Variants in DLAT observed in about 807,000 individuals in gnomAD.
DLAT encodes dihydrolipoamide S-acetyltransferase.
Under a neutral mutation model 68.0 loss-of-function variants are expected in DLAT, and 43 were observed. The ratio of observed to expected loss-of-function variants is 0.63; its 90% CI spans 0.50 to 0.81. The LOEUF is 0.81. Among genes scored for constraint, DLAT ranks in the 40% least tolerant of loss-of-function variants. The pLI is 0.00. For missense variants in DLAT, 745 were observed against 815.4 expected (o/e 0.91, Z 1.05); for synonymous variants, 265 against 288.6 (o/e 0.92, Z 0.83).
rs1555180637 is a variant in DLAT, at chr11:112,037,455, C to T, written c.970C>T (p.Pro324Ser). The part of the protein sequence containing the change: ...LKPQVPPPTP[P>S]PVAAVPPTPQ... Reference sequence around the variant, plus strand: ...ACCACAAGTGCCACCACCTACCCCACCCCCGGTAGGTATGCTTCTAGAATT... The same window carrying T: ...ACCACAAGTGCCACCACCTACCCCATCCCCGGTAGGTATGCTTCTAGAATT... The change falls in exon 6 of 14, where the codon CCC (proline) becomes TCC (serine). Residue 324 changes from proline to serine, a missense_variant. Coordinates refer to ENST00000280346, the MANE Select transcript of DLAT (RefSeq NM_001931.5). 1.2e-6 allele frequency: 2 copies of T among 1,613,666 alleles called. No individual in the cohort carries two copies. Among genetic ancestry groups the T allele is most frequent in the Non-Finnish European group, 1.7e-6 (2 of 1,179,586 alleles).
intron 10 of DLAT, among the ~76,000 whole-genome samples, chr11:112,046,589 A>G (rs782040821): frequency 1.3e-5 from 2 of 151,794 alleles, no homozygotes; most frequent in Non-Finnish European, 2.9e-5. Flanking sequence ...TACATTAGGT[A>G]TTTCTCCTAA....
At chr11:112,053,798 C>T (rs1863813368) in intron 11 of DLAT, among the ~76,000 whole-genome samples, 1 of 152,110 alleles carries the variant, frequency 6.6e-6, no homozygotes, top group South Asian at 2.1e-4. Context: ...TATTTATTTA[C>T]CTGCAGATTT....
rs1476872233 is a variant in DLAT, at chr11:112,060,190, GTCTC to G, written c.1677+129_1677+132del. On this transcript the variant is annotated intron_variant, in intron 12 of 13. Coordinates refer to ENST00000280346, the MANE Select transcript of DLAT (RefSeq NM_001931.5). ...TTTTTTTTTTTTTTTTTGAGACGGA[GTCTC>G]TCTGTCACCCAGGCTGGAGTGCAGT... is the stretch of plus-strand genomic sequence containing the variant. The G allele has an allele frequency of 5.7e-5, 46 of 802,620 alleles. No individual in the cohort carries two copies. In the African/African-American group the frequency reaches 8.0e-4, roughly 14 times the overall value. 49.7% of individuals were successfully genotyped at this position (802,620 alleles called of 1,614,324 possible). A position where few individuals can be genotyped will look rare whatever the true frequency, so the allele number is the denominator to read the frequency against.
intron 7 of DLAT, among the ~76,000 whole-genome samples, chr11:112,042,914 C>T (rs587616231): frequency 5.9e-5 from 9 of 152,214 alleles, no homozygotes; most frequent in South Asian, 2.1e-4. Flanking sequence ...AAGAGTTATT[C>T]GTGCTATTTT....
intron 6 of DLAT, among the ~76,000 whole-genome samples, chr11:112,037,856 C>T (rs1160848236): frequency 6.6e-6 from 1 of 150,610 alleles, no homozygotes; most frequent in Non-Finnish European, 1.5e-5. Context: ...TAGCTCACTT[C>T]ATTGCCCATT....
rs1335225515 is a variant in DLAT, at chr11:112,027,606, C to G, written c.382-909C>G. Among the ~76,000 whole-genome samples the G allele has an allele frequency of 2.3e-4, 35 of 152,112 alleles. 1 individual carries two copies. The highest frequency in any genetic ancestry group is 6.5e-4 in the Admixed American group (10 of 15,280). ...TCACGCCACTGCACTCCAGCCTGGG[C>G]ACCATTGAGCACTGAGTGAACCAGA... On this transcript the variant is annotated intron_variant, in intron 2 of 13. Coordinates refer to ENST00000280346, the MANE Select transcript of DLAT (RefSeq NM_001931.5).
chr11:112,039,412 A>G lies in DLAT; in HGVS notation c.1129+15A>G, dbSNP rs1388763063. Reference sequence around the variant, plus strand: ...ACAAGTAAAAGGTAAATCTGTTTCTATAGAATGGACTTTATAAAGTTAAAA... The same window carrying G: ...ACAAGTAAAAGGTAAATCTGTTTCTGTAGAATGGACTTTATAAAGTTAAAA... On this transcript the variant is annotated intron_variant, in intron 7 of 13. Coordinates refer to ENST00000280346, the MANE Select transcript of DLAT (RefSeq NM_001931.5). 5 of 1,613,514 alleles carry G rather than the reference A, an allele frequency of 3.1e-6. No homozygotes were observed. Among genetic ancestry groups the G allele is most frequent in the African/African-American group, 1.3e-5 (1 of 75,050 alleles).
chr11:112,034,080 C>T (rs587710261), intron 5 of DLAT, among the ~76,000 whole-genome samples: 1 of 152,312 alleles, frequency 6.6e-6, no homozygotes, highest in East Asian at 1.9e-4. Context: ...CCATCCTGTG[C>T]TCACTGAATC....
At chr11:112,059,293 G>A (rs1320418593) in intron 11 of DLAT, among the ~76,000 whole-genome samples, 5 of 151,982 alleles carry the variant, frequency 3.3e-5, no homozygotes, top group Admixed American at 3.3e-4. Context: ...AAGGCAGACG[G>A]CAGGGGATGT....
Position 112,028,557 on chromosome 11 carries a change from G to A in DLAT, c.424G>A (p.Glu142Lys), listed in dbSNP as rs1862216391. The change falls in exon 3 of 14, where the codon GAG becomes AAG. Residue 142 changes from glutamate to lysine, a missense_variant. Coordinates refer to ENST00000280346, the MANE Select transcript of DLAT (RefSeq NM_001931.5). Reference protein sequence around the residue: ...KATVGFESLEECYMAKILVAE... With the variant: ...KATVGFESLEKCYMAKILVAE... ...CACTGTTGGATTTGAGAGCCTGGAGGAGTGTTATATGGCAAAGATACTTGT... is the reference window on the plus strand; with the variant it reads ...CACTGTTGGATTTGAGAGCCTGGAGAAGTGTTATATGGCAAAGATACTTGT... 1.2e-6 allele frequency: 2 copies of A among 1,614,182 alleles called. No homozygotes were observed. The highest frequency in any genetic ancestry group is 1.7e-6 in the Non-Finnish European group (2 of 1,180,032).
At chr11:112,039,115 T>C in intron 6 of DLAT, 129 bp from the exon 7 acceptor site, 4 of 911,554 alleles carry the variant, frequency 4.4e-6, no homozygotes, top group East Asian at 3.2e-5. Flanking sequence ...ATTATGATCT[T>C]TGGAAAAATG....
At position 112,063,124 on chromosome 11, in the gene DLAT, A is replaced by T. The variant is rs1370832891; in HGVS notation, c.*589A>T. 4.6e-5 allele frequency: 7 copies of T among 153,274 alleles called. No individual in the cohort carries two copies. The highest frequency in any genetic ancestry group is 1.7e-4 in the African/African-American group (7 of 41,456). 9.5% of individuals were successfully genotyped at this position (153,274 alleles called of 1,614,324 possible). On this transcript the variant is annotated 3_prime_UTR_variant, in exon 14 of 14. Coordinates refer to ENST00000280346, the MANE Select transcript of DLAT (RefSeq NM_001931.5). ...AGTCAGCATTTTCTTAGACCTCTTC[A>T]GCTGATTGTTTATTTTTCTATGAAT...
At chr11:112,030,802 T>C (rs1862351293) in intron 4 of DLAT, among the ~76,000 whole-genome samples, 1 of 152,236 alleles carries the variant, frequency 6.6e-6, no homozygotes, top group Non-Finnish European at 1.5e-5. Context: ...TCTAGTTTAT[T>C]TGTAGAAATT....
intron 13 of DLAT, 26 bp downstream of exon 13, chr11:112,061,200 C>T (rs368938643): frequency 3.3e-5 from 54 of 1,613,326 alleles, no homozygotes; most frequent in African/African-American, 9.3e-5. Context: ...GAGGGGAAGT[C>T]GTAAGCTAAT....
At chr11:112,034,474 G>A (rs774639571) in intron 5 of DLAT, among the ~76,000 whole-genome samples, 1 of 148,030 alleles carries the variant, frequency 6.8e-6, no homozygotes, top group African/African-American at 2.5e-5. Context: ...ACGGAGTCTC[G>A]CTGTGTTGCC....
intron 5 of DLAT, among the ~76,000 whole-genome samples, chr11:112,034,666 T>A (rs1405247412): frequency 6.6e-5 from 10 of 151,680 alleles, no homozygotes; most frequent in Admixed American, 3.9e-4. Context: ...ATGGCCTTGA[T>A]CTCCTGACCT....
In DLAT at chr11:112,033,517, CAA is replaced by C; in HGVS notation, c.776_777del (p.Lys259SerfsTer6). On this transcript the variant is annotated frameshift_variant, in exon 5 of 14. Transcript: ENST00000280346. LOFTEE classifies it high-confidence loss of function. ...ACTTACTGGCAGAGATAGAAACTGA[CAA>C]AGCCACTATAGGTGAGATTTCTTCA... Reference protein sequence around the residue: ...GDLLAEIETDKATIGFEVQEE... With the variant: ...GDLLAEIETDXATIGFEVQEE... 6.2e-7 allele frequency: 1 copy of C among 1,613,752 alleles called. No individual in the cohort carries two copies. Among genetic ancestry groups the C allele is most frequent in the Non-Finnish European group, 8.5e-7 (1 of 1,179,828 alleles).
At chr11:112,058,589 C>T (rs56947619) in intron 11 of DLAT, among the ~76,000 whole-genome samples, 3,220 of 108,088 alleles carry the variant, frequency 0.03, 144 homozygotes, top group African/African-American at 0.11. Context: ...AATCCATGAG[C>T]TTGTGAACTT....
intron 4 of DLAT, 90 bp from the exon 5 acceptor site, chr11:112,033,314 A>G (rs1862515419): frequency 6.7e-7 from 1 of 1,492,446 alleles, no homozygotes; most frequent in South Asian, 1.2e-5. Context: ...CATAGTCACC[A>G]TCATTCTATG....
Sources: gnomAD v4.1 joint callset for allele counts (sites outside exome capture counted in the v4.1 genomes callset) on GRCh38, gnomAD v4.1.1 for gene constraint, MANE v1.5 for transcripts, NCBI Gene and HGNC (gene_info 2026-07-23, HGNC 2026-07-21) for gene names.